CAPN5: variants seen among roughly 807,000 people sequenced by gnomAD.
CAPN5 encodes the protein calpain-5.
Under a neutral mutation model 73.0 loss-of-function variants are expected in CAPN5, and 54 were observed. The ratio of observed to expected loss-of-function variants is 0.74; its 90% CI spans 0.59 to 0.93. The LOEUF is 0.93. Among genes scored for constraint, CAPN5 ranks in the 40% least tolerant of loss-of-function variants. CAPN5 has a pLI of 0.00. For missense variants in CAPN5, 785 were observed against 882.9 expected (o/e 0.89, Z 1.41); for synonymous variants, 335 against 356.9 (o/e 0.94, Z 0.69).
At chr11:77,119,203 A>G (rs782395367) in intron 9 of CAPN5, 51 bp downstream of exon 9, 1 of 1,564,778 alleles carries the variant, frequency 6.4e-7, no homozygotes, top group Non-Finnish European at 8.7e-7. Flanking sequence ...AGGGAGCTGG[A>G]GTTTGGACTG....
At chr11:77,093,857 C>T (rs377136048) in intron 3 of CAPN5, 44 bp downstream of exon 3, 68 of 1,594,350 alleles carry the variant, frequency 4.3e-5, no homozygotes, top group East Asian at 2.2e-5. Flanking sequence ...GGAGTGTGAA[C>T]GCAGCCTGTG....
chr11:77,082,901 G>A (rs998506394), intron 1 of CAPN5, among the ~76,000 whole-genome samples: 3 of 152,210 alleles, frequency 2.0e-5, no homozygotes, highest in Non-Finnish European at 4.4e-5. Flanking sequence ...CTGGGCTCCT[G>A]CTTTCAGCTT....
chr11:77,084,841 T>G lies in CAPN5; in HGVS notation c.-35-11T>G. The G allele has an allele frequency of 6.2e-7, 1 of 1,612,942 alleles. No homozygotes were observed. The highest frequency in any genetic ancestry group is 8.5e-7 in the Non-Finnish European group (1 of 1,179,498). Reference sequence around the variant, plus strand: ...CTCTGTGAGTGACCGTCTTCTTGCCTTCCTGTCCAGGTGTTCCCCCTCCCC... The same window carrying G: ...CTCTGTGAGTGACCGTCTTCTTGCCGTCCTGTCCAGGTGTTCCCCCTCCCC... On this transcript the variant is annotated splice_polypyrimidine_tract_variant and intron_variant, in intron 1 of 12. Transcript: ENST00000648180.
Position 77,084,854 on chromosome 11 carries a change from G to T in CAPN5, c.-33G>T. ...CGTCTTCTTGCCTTCCTGTCCAGGT[G>T]TTCCCCCTCCCCTCCCTGGGGCAGC... On this transcript the variant is annotated splice_region_variant and 5_prime_UTR_variant, in exon 2 of 13. Coordinates refer to ENST00000648180, the MANE Select transcript of CAPN5 (RefSeq NM_004055.5). 6.2e-7 allele frequency: 1 copy of T among 1,613,602 alleles called. No homozygotes were observed. The highest frequency in any genetic ancestry group is 8.5e-7 in the Non-Finnish European group (1 of 1,179,922).
At chr11:77,097,474 T>TTTTTG (rs1950223125) in intron 3 of CAPN5, among the ~76,000 whole-genome samples, 1 of 142,152 alleles carries the variant, frequency 7.0e-6, no homozygotes, top group Admixed American at 6.9e-5. Context: ...GTTTTTTTTT[T>TTTTTG]TTTTTTTTTT....
intron 2 of CAPN5, 78 bp from the exon 3 acceptor site, chr11:77,093,598 CGTCTGT>C (rs1218582264): frequency 1.3e-5 from 11 of 864,906 alleles, no homozygotes; most frequent in Non-Finnish European, 1.7e-5. Flanking sequence ...GTGTCTGTCA[CGTCTGT>C]GTCTGTCATG....
chr11:77,110,907 G>A (rs916551412), intron 3 of CAPN5, among the ~76,000 whole-genome samples: 1 of 152,074 alleles, frequency 6.6e-6, no homozygotes, highest in Non-Finnish European at 1.5e-5. Flanking sequence ...TGGTTCCTCC[G>A]CCTGGGTGCC....
rs150793938 is a variant in CAPN5, at chr11:77,116,546, G to A, written c.971+243G>A. The stretch of plus-strand genomic sequence containing the variant: ...TGCCGAACTGAGGGGTCCTGGAGCC[G>A]CTGTGGCACCCAGACCGAGCCTTTG... On this transcript the variant is annotated intron_variant, in intron 7 of 12. Transcript: ENST00000648180. 2.8e-3 allele frequency among the ~76,000 whole-genome samples: 425 copies of A among 152,322 alleles called. 3 individuals carry two copies. The highest frequency in any genetic ancestry group is 9.4e-3 in the African/African-American group (389 of 41,576).
At chr11:77,090,704 C>T (rs1950139666) in intron 2 of CAPN5, among the ~76,000 whole-genome samples, 1 of 152,212 alleles carries the variant, frequency 6.6e-6, no homozygotes, top group Non-Finnish European at 1.5e-5. Context: ...GTAGCTGTTT[C>T]TCTTTCCATG....
chr11:77,082,379 T>C (rs1950036520), intron 1 of CAPN5, among the ~76,000 whole-genome samples: 2 of 152,116 alleles, frequency 1.3e-5, no homozygotes, highest in Non-Finnish European at 2.9e-5. Context: ...GGGCCTAAGC[T>C]CAGGCTCAGA....
chr11:77,077,810 C>T (rs151110222), intron 1 of CAPN5, among the ~76,000 whole-genome samples: 175 of 152,278 alleles, frequency 1.1e-3, no homozygotes, highest in African/African-American at 3.7e-3. Flanking sequence ...CCACTGCGCC[C>T]AGCCAATGTT....
intron 9 of CAPN5, chr11:77,120,247 T>C (rs1950508960): frequency 6.5e-6 from 1 of 152,948 alleles, no homozygotes; most frequent in Non-Finnish European, 1.5e-5. Flanking sequence ...GGGGTCTCGC[T>C]TTGTTGCCCA....
intron 1 of CAPN5, among the ~76,000 whole-genome samples, chr11:77,072,499 G>A (rs1949918813): frequency 1.3e-5 from 2 of 152,352 alleles, no homozygotes; most frequent in African/African-American, 2.4e-5. Context: ...GGACACACCT[G>A]AGCAGGACAC....
Position 77,123,860 on chromosome 11 carries a change from TG to T in CAPN5, c.1915del (p.Ala639LeufsTer11). 6.2e-7 allele frequency: 1 copy of T among 1,613,104 alleles called. No homozygotes were observed. Among genetic ancestry groups the T allele is most frequent in the African/African-American group, 1.3e-5 (1 of 75,034 alleles). On this transcript the variant is annotated frameshift_variant, in exon 13 of 13. Coordinates refer to ENST00000648180, the MANE Select transcript of CAPN5 (RefSeq NM_004055.5). LOFTEE classifies it high-confidence loss of function. ...AVHILSSTSL[M>X]AV The stretch of plus-strand genomic sequence containing the variant: ...CACATTCTCAGCAGCACCTCCCTCA[TG>T]GCTGTCTGACACCTGCCCACCTACC...
chr11:77,080,384 A>G (rs1555034456), intron 1 of CAPN5, among the ~76,000 whole-genome samples: 1 of 151,944 alleles, frequency 6.6e-6, no homozygotes, highest in African/African-American at 2.4e-5. Flanking sequence ...CTTCGTTCTT[A>G]TTATTCCCCT....
chr11:77,095,123 G>A (rs782253928), intron 3 of CAPN5, among the ~76,000 whole-genome samples: 10 of 152,224 alleles, frequency 6.6e-5, no homozygotes, highest in East Asian at 3.9e-4. Context: ...CCATGGTTGC[G>A]GCGTGTGGAT....
chr11:77,095,603 C>G (rs943251281), intron 3 of CAPN5, among the ~76,000 whole-genome samples: 1 of 152,192 alleles, frequency 6.6e-6, no homozygotes, highest in Non-Finnish European at 1.5e-5. Flanking sequence ...GCCCCACGGT[C>G]GGCCTTGCTC....
intron 3 of CAPN5, among the ~76,000 whole-genome samples, chr11:77,096,845 C>T (rs1040029113): frequency 2.6e-5 from 4 of 152,114 alleles, no homozygotes; most frequent in Non-Finnish European, 4.4e-5. Flanking sequence ...GAGTCCCAGT[C>T]GAATGCCTGG....
intron 4 of CAPN5, 124 bp downstream of exon 4, chr11:77,112,921 G>A (rs1266011356): frequency 1.6e-5 from 15 of 914,468 alleles, no homozygotes; most frequent in East Asian, 5.2e-5. Context: ...GTGCAGGCAC[G>A]CAGCAGGCTC....
Sources: allele counts gnomAD v4.1 joint callset (sites outside exome capture counted in the v4.1 genomes callset), GRCh38; gene constraint gnomAD v4.1.1; transcripts MANE v1.5; gene names NCBI Gene and HGNC (gene_info 2026-07-23, HGNC 2026-07-21).